HSPA12A: variants seen among roughly 807,000 people sequenced by gnomAD.
HSPA12A encodes heat shock 70 kDa protein 12A.
HSPA12A carries 28 observed loss-of-function variants against 69.2 expected under a neutral mutation model. The observed-to-expected ratio is 0.40, with a 90% CI of 0.30 to 0.55. The LOEUF (loss-of-function observed/expected upper bound fraction) is 0.55, where lower values mean the gene tolerates loss of function less well. Among genes scored for constraint, HSPA12A ranks in the 20% least tolerant of loss-of-function variants. HSPA12A has a pLI of 0.38. For synonymous variants in HSPA12A, 345 were observed against 370.5 expected, an observed-to-expected ratio of 0.93 and a Z score of 0.79; for missense variants, 686 against 900.7, an observed-to-expected ratio of 0.76 and a Z score of 3.05.
intron 2 of HSPA12A, among the ~76,000 whole-genome samples, chr10:116,749,130 T>A (rs1051607341): frequency 6.6e-6 from 1 of 152,146 alleles, no homozygotes; most frequent in African/African-American, 2.4e-5. Flanking sequence ...CCACGGCACT[T>A]TTATAAGAGC....
At chr10:116,695,678 T>G in intron 5 of HSPA12A, among the ~76,000 whole-genome samples, 1 of 151,860 alleles carries the variant, frequency 6.6e-6, no homozygotes, top group Non-Finnish European at 1.5e-5. Context: ...TAGCCAGGCA[T>G]GGTGGCGGGC....
chr10:116,674,831 T>A lies in HSPA12A; in HGVS notation c.1978A>T (p.Ile660Leu), dbSNP rs782412500. 4 of 1,613,426 alleles carry A rather than the reference T, an allele frequency of 2.5e-6. No homozygotes were observed. Among genetic ancestry groups the A allele is most frequent in the Non-Finnish European group, 3.4e-6 (4 of 1,179,982 alleles). The change falls in exon 12 of 12, where the codon ATA becomes TTA. Residue 660 changes from isoleucine to leucine, a missense_variant. By Grantham distance (5) the Ile-to-Leu change is conservative. Coordinates refer to ENST00000369209, the MANE Select transcript of HSPA12A (RefSeq NM_025015.3). ...ACTTTGACACTCTTCGAAGTGGCTA[T>A]ATCAATGGCTGTGGCTTTGATCTCG... ...DTEIKATAID[I>L]ATSKSVKVGI...
chr10:116,750,640 A>G, intron 2 of HSPA12A: 1 of 229,962 alleles, frequency 4.3e-6, no homozygotes, highest in Non-Finnish European at 8.7e-6. Flanking sequence ...CTGCTATGCA[A>G]CAGAATACAG....
intron 2 of HSPA12A, among the ~76,000 whole-genome samples, chr10:116,753,424 T>C (rs1281911347): frequency 2.0e-5 from 3 of 152,204 alleles, no homozygotes; most frequent in Non-Finnish European, 4.4e-5. Flanking sequence ...GATCCCTGGC[T>C]CCAAGACCAG....
intron 1 of HSPA12A, among the ~76,000 whole-genome samples, chr10:116,842,913 G>A (rs1845826771): frequency 6.6e-6 from 1 of 152,146 alleles, no homozygotes; most frequent in African/African-American, 2.4e-5. Context: ...TCTTTTGCTC[G>A]ATCTTTTCCT....
intron 2 of HSPA12A, among the ~76,000 whole-genome samples, chr10:116,757,157 C>T (rs781869544): frequency 1.4e-4 from 22 of 152,166 alleles, no homozygotes; most frequent in Non-Finnish European, 2.4e-4. Flanking sequence ...ACCAAGCCAC[C>T]GCTGCCACAG....
intron 2 of HSPA12A, among the ~76,000 whole-genome samples, chr10:116,801,733 A>C (rs1844960764): frequency 6.6e-6 from 1 of 152,056 alleles, no homozygotes; most frequent in Admixed American, 6.6e-5. Flanking sequence ...TCATAGAACT[A>C]TTCACCAAAA....
At chr10:116,683,742 G>T in intron 7 of HSPA12A, 49 bp downstream of exon 7, 1 of 1,447,838 alleles carries the variant, frequency 6.9e-7, no homozygotes, top group South Asian at 1.6e-5. Flanking sequence ...AGACATCCAG[G>T]GCTTGGGAAG....
chr10:116,842,803 A>G (rs568663413), intron 1 of HSPA12A, among the ~76,000 whole-genome samples: 10 of 152,226 alleles, frequency 6.6e-5, no homozygotes, highest in Non-Finnish European at 1.2e-4. Context: ...GGGTTTCACC[A>G]TCTTGTCCAG....
At chr10:116,709,350 A>G (rs782393771) in intron 1 of HSPA12A, among the ~76,000 whole-genome samples, 6 of 151,758 alleles carry the variant, frequency 4.0e-5, no homozygotes, top group Non-Finnish European at 8.8e-5. Flanking sequence ...CGGGAGGCTG[A>G]GACAGGAGAA....
chr10:116,817,593 T>C (rs1445167838), intron 2 of HSPA12A, among the ~76,000 whole-genome samples: 2 of 152,108 alleles, frequency 1.3e-5, no homozygotes, highest in Non-Finnish European at 2.9e-5. Flanking sequence ...TTCTCTGTGC[T>C]CCACCACCAT....
At chr10:116,807,031 G>T (rs1020953480) in intron 2 of HSPA12A, among the ~76,000 whole-genome samples, 7 of 152,202 alleles carry the variant, frequency 4.6e-5, no homozygotes, top group African/African-American at 1.7e-4. Flanking sequence ...AGACTGGAGT[G>T]ATGCAGACGT....
intron 1 of HSPA12A, among the ~76,000 whole-genome samples, chr10:116,736,701 C>T (rs140907132): frequency 2.1e-3 from 316 of 152,214 alleles, no homozygotes; most frequent in Non-Finnish European, 3.4e-3. Flanking sequence ...ATGCAGGTCA[C>T]CTCGAGAAGT....
intron 2 of HSPA12A, among the ~76,000 whole-genome samples, chr10:116,796,145 C>CAAAAA (rs10522145): frequency 4.0e-4 from 44 of 110,620 alleles, no homozygotes; most frequent in East Asian, 5.8e-4. Flanking sequence ...AAGACTCCAT[C>CAAAAA]AAAAAAAAAA....
At chr10:116,839,649 CA>C (rs1303616776) in intron 1 of HSPA12A, among the ~76,000 whole-genome samples, 4 of 136,216 alleles carry the variant, frequency 2.9e-5, no homozygotes, top group Non-Finnish European at 6.3e-5. Context: ...CTCACCTACA[CA>C]TTTTGTCAAA....
chr10:116,733,197 T>C (rs1851214820), intron 1 of HSPA12A, among the ~76,000 whole-genome samples: 2 of 152,098 alleles, frequency 1.3e-5, no homozygotes, highest in Non-Finnish European at 2.9e-5. Context: ...CTGTAAACAG[T>C]TTCTTATCCC....
intron 5 of HSPA12A, among the ~76,000 whole-genome samples, chr10:116,697,758 A>G (rs1554881049): frequency 6.6e-6 from 1 of 152,182 alleles, no homozygotes; most frequent in African/African-American, 2.4e-5. Flanking sequence ...TATATTCACA[A>G]GGTTGTGCGC....
chr10:116,794,550 A>T (rs542078304), intron 2 of HSPA12A, among the ~76,000 whole-genome samples: 3 of 152,356 alleles, frequency 2.0e-5, no homozygotes, highest in African/African-American at 7.2e-5. Context: ...AGGTGTAATC[A>T]TACCTATAAT....
At chr10:116,751,634 A>T (rs184478155) in intron 2 of HSPA12A, among the ~76,000 whole-genome samples, 3 of 152,346 alleles carry the variant, frequency 2.0e-5, no homozygotes, top group Admixed American at 6.5e-5. Context: ...AAACAGTAAC[A>T]GTTGCTATCA....
Sources: gnomAD v4.1 joint callset for allele counts (sites outside exome capture counted in the v4.1 genomes callset) on GRCh38, gnomAD v4.1.1 for gene constraint, MANE v1.5 for transcripts, NCBI Gene and HGNC (gene_info 2026-07-23, HGNC 2026-07-21) for gene names.